MYEF2: variants seen among roughly 807,000 people sequenced by gnomAD.
MYEF2 encodes the protein myelin expression factor 2.
Under a neutral mutation model 75.2 loss-of-function variants are expected in MYEF2, and 37 were observed. That is an observed-to-expected ratio of 0.49 (90% CI 0.38 to 0.65). The LOEUF (loss-of-function observed/expected upper bound fraction) is 0.65. Among genes scored for constraint, MYEF2 ranks in the 30% least tolerant of loss-of-function variants. MYEF2 has a pLI of 0.00. For synonymous variants in MYEF2, 195 were observed against 241.6 expected (o/e 0.81, Z 1.79); for missense variants, 634 against 771.4 (o/e 0.82, Z 2.11).
At chr15:48,169,541 G>A (rs979709666) in intron 1 of MYEF2, among the ~76,000 whole-genome samples, 3 of 151,718 alleles carry the variant, frequency 2.0e-5, no homozygotes, top group Non-Finnish European at 4.4e-5. Context: ...CCTACAATGG[G>A]TAATGTAGGA....
In MYEF2 at chr15:48,139,190, TACAATAGC is replaced by T; in HGVS notation, c.*3710_*3717del. On this transcript the variant is annotated 3_prime_UTR_variant, in exon 17 of 17. Transcript: ENST00000324324. ...CACAATAACTGGTATGTATTTTAAGTACAATAGCACAACTTGAAAATATTCATATAAGA... is the reference window on the plus strand; with the variant it reads ...CACAATAACTGGTATGTATTTTAAGTACAACTTGAAAATATTCATATAAGA... 1 of 1,585,834 alleles carries T rather than the reference TACAATAGC, an allele frequency of 6.3e-7. No homozygotes were observed. Among genetic ancestry groups the T allele is most frequent in the African/African-American group, 1.3e-5 (1 of 74,444 alleles).
rs1232308227 is a variant in MYEF2, at chr15:48,137,628, TG to T, written c.*5279del. ...AGGTGCCTAGACCAAGTGAAAGTGG[TG>T]GGAATAAATGAGAACAGATGTGAGA... On this transcript the variant is annotated 3_prime_UTR_variant, in exon 17 of 17. Transcript: ENST00000324324. The T allele has an allele frequency of 6.6e-6, 1 of 151,792 alleles. No homozygotes were observed. Among genetic ancestry groups the T allele is most frequent in the Non-Finnish European group, 1.5e-5 (1 of 67,952 alleles). The allele number at this position is 151,792 out of a possible 1,614,324, so 9.4% of individuals were successfully genotyped here.
Position 48,141,917 on chromosome 15 carries a change from T to C in MYEF2, c.*991A>G, listed in dbSNP as rs2039103379. 8 of 814,710 alleles carry C rather than the reference T, an allele frequency of 9.8e-6. No homozygotes were observed. The highest frequency in any genetic ancestry group is 1.1e-5 in the Non-Finnish European group (6 of 544,634). 50.5% of individuals were successfully genotyped at this position (814,710 alleles called of 1,614,324 possible). A position where few individuals can be genotyped will look rare whatever the true frequency, so the allele number is the denominator to read the frequency against. ...TAAGACTTTTGCTCTAACAACAATT[T>C]TTCAAAACGAATCAACAACAAAAAA... On this transcript the variant is annotated 3_prime_UTR_variant, in exon 17 of 17. Transcript: ENST00000324324.
rs1274086002 is a variant in MYEF2, at chr15:48,137,499, C to T, written c.*5409G>A. ...TTTCTGAGGAGAGAAATTATTAGAACTGTTATCTTAGTAATGTTACCCAAA... is the reference window on the plus strand; with the variant it reads ...TTTCTGAGGAGAGAAATTATTAGAATTGTTATCTTAGTAATGTTACCCAAA... On this transcript the variant is annotated 3_prime_UTR_variant, in exon 17 of 17. Transcript: ENST00000324324. 4 of 152,156 alleles carry T rather than the reference C, an allele frequency of 2.6e-5. No homozygotes were observed. The highest frequency in any genetic ancestry group is 9.7e-5 in the African/African-American group (4 of 41,420). 9.4% of individuals were successfully genotyped at this position (152,156 alleles called of 1,614,324 possible). A position where few individuals can be genotyped will look rare whatever the true frequency, so the allele number is the denominator to read the frequency against.
At chr15:48,176,219 TAAAAAAAAAAAAA>T (rs1023560411) in intron 1 of MYEF2, among the ~76,000 whole-genome samples, 1 of 63,104 alleles carries the variant, frequency 1.6e-5, no homozygotes, top group African/African-American at 5.5e-5. Context: ...GTTCACGAAG[TAAAAAAAAAAAAA>T]AAAAAAAAAA....
intron 9 of MYEF2, among the ~76,000 whole-genome samples, chr15:48,154,891 T>C (rs1465982722): frequency 2.6e-5 from 4 of 152,036 alleles, no homozygotes; most frequent in Non-Finnish European, 1.5e-5. Flanking sequence ...TGCTGAGCAA[T>C]GATAGTATAA....
At position 48,142,088 on chromosome 15, in the gene MYEF2, C is replaced by G. The variant is rs770666675; in HGVS notation, c.*820G>C. 6.2e-7 allele frequency: 1 copy of G among 1,613,728 alleles called. No individual in the cohort carries two copies. On this transcript the variant is annotated 3_prime_UTR_variant, in exon 17 of 17. Coordinates refer to ENST00000324324, the MANE Select transcript of MYEF2 (RefSeq NM_016132.5). ...ATCCAATGTGTTTGATATGTTGTGCCTTGGTATTCCATGGTTTATTAAAAC... is the reference window on the plus strand; with the variant it reads ...ATCCAATGTGTTTGATATGTTGTGCGTTGGTATTCCATGGTTTATTAAAAC...
Position 48,136,456 on chromosome 15 carries a change from GT to G in MYEF2, c.*6451del. 8.2e-6 allele frequency: 3 copies of G among 366,786 alleles called. No homozygotes were observed. Among genetic ancestry groups the G allele is most frequent in the South Asian group, 1.4e-4 (1 of 7,296 alleles). 22.7% of individuals were successfully genotyped at this position (366,786 alleles called of 1,614,324 possible). A position where few individuals can be genotyped will look rare whatever the true frequency, so the allele number is the denominator to read the frequency against. On this transcript the variant is annotated 3_prime_UTR_variant, in exon 17 of 17. Coordinates refer to ENST00000324324, the MANE Select transcript of MYEF2 (RefSeq NM_016132.5). ...AAGTAAAAACGAGTTTGTTGATCTTGTTTTTAAAAAAAAAAAAACAACACAG... is the reference window on the plus strand; with the variant it reads ...AAGTAAAAACGAGTTTGTTGATCTTGTTTTAAAAAAAAAAAAACAACACAG...
chr15:48,153,971 T>A (rs1403135068), intron 9 of MYEF2, 78 bp from the exon 10 acceptor site: 10 of 1,136,040 alleles, frequency 8.8e-6, no homozygotes, highest in Non-Finnish European at 1.3e-5. Flanking sequence ...TTTAAAAAGC[T>A]ATATACCTGT....
intron 5 of MYEF2, among the ~76,000 whole-genome samples, chr15:48,161,988 T>C (rs1282960958): frequency 6.6e-6 from 1 of 151,676 alleles, no homozygotes; most frequent in African/African-American, 2.4e-5. Flanking sequence ...GGCCCTGGCT[T>C]ATGCATAAAA....
intron 16 of MYEF2, among the ~76,000 whole-genome samples, chr15:48,148,725 ATATT>A (rs1167470788): frequency 1.2e-4 from 18 of 152,056 alleles, no homozygotes; most frequent in Non-Finnish European, 1.8e-4. Context: ...GAATGATAAT[ATATT>A]TATCTTTTTA....
In MYEF2 at chr15:48,135,111, G is replaced by C; in HGVS notation, c.*7797C>G. On this transcript the variant is annotated 3_prime_UTR_variant, in exon 17 of 17. Coordinates refer to ENST00000324324, the MANE Select transcript of MYEF2 (RefSeq NM_016132.5). ...CCACTTCTATACCATATTCCAACAG[G>C]TCTGTGAGTTAACCTCATCACAATT... 1.5e-6 allele frequency: 1 copy of C among 656,574 alleles called. No homozygotes were observed. Among genetic ancestry groups the C allele is most frequent in the South Asian group, 2.2e-5 (1 of 46,016 alleles). The allele number at this position is 656,574 out of a possible 1,614,324, so 40.7% of individuals were successfully genotyped here.
At position 48,142,903 on chromosome 15, in the gene MYEF2, T is replaced by A; in HGVS notation, c.*5A>T. On this transcript the variant is annotated 3_prime_UTR_variant, in exon 17 of 17. Transcript: ENST00000324324. ...ATGTAGGAATGTTCCAACCATGGCT[T>A]GAAATTATGCATTACGATCCAAGCG... is the stretch of plus-strand genomic sequence containing the variant. 6.3e-7 allele frequency: 1 copy of A among 1,587,400 alleles called. No individual in the cohort carries two copies.
chr15:48,160,707 T>C (rs1428849473), intron 5 of MYEF2, among the ~76,000 whole-genome samples: 3 of 151,908 alleles, frequency 2.0e-5, no homozygotes, highest in African/African-American at 7.2e-5. Context: ...AACCATCAAA[T>C]CTACTTTGCT....
intron 2 of MYEF2, 88 bp from the exon 3 acceptor site, chr15:48,167,489 T>C (rs1689898900): frequency 1.7e-5 from 20 of 1,179,874 alleles, no homozygotes; most frequent in Non-Finnish European, 2.4e-5. Flanking sequence ...TGCACAACTC[T>C]ACAGAGAAGC....
chr15:48,158,870 C>A lies in MYEF2; in HGVS notation c.770G>T (p.Gly257Val). The change falls in exon 7 of 17, where the codon GGA becomes GTA. Residue 257 changes from glycine to valine, a missense_variant. By Grantham distance (109) the Gly-to-Val change is moderately radical. Coordinates refer to ENST00000324324, the MANE Select transcript of MYEF2 (RefSeq NM_016132.5). ...TTTAATATCTGCCCGCTTCACAGTT[C>A]CAGCTATGCTGAACACTTCCTTTAG... is the stretch of plus-strand genomic sequence containing the variant. ...KKLKEVFSIA[G>V]TVKRADIKED... The A allele has an allele frequency of 6.2e-7, 1 of 1,613,700 alleles. No individual in the cohort carries two copies. Among genetic ancestry groups the A allele is most frequent in the Non-Finnish European group, 8.5e-7 (1 of 1,179,762 alleles).
chr15:48,145,819 TC>T (rs1388062131), intron 16 of MYEF2, among the ~76,000 whole-genome samples: 2 of 151,938 alleles, frequency 1.3e-5, no homozygotes, highest in African/African-American at 2.4e-5. Flanking sequence ...TTCTGTTGTT[TC>T]TTTACAAACA....
intron 10 of MYEF2, chr15:48,153,222 T>A (rs1325253830): frequency 6.6e-6 from 1 of 152,184 alleles, no homozygotes; most frequent in African/African-American, 2.4e-5. Context: ...AATGAGTTTA[T>A]CATTTTTTAA....
intron 14 of MYEF2, chr15:48,150,031 T>G (rs946089196): frequency 6.6e-6 from 1 of 152,114 alleles, no homozygotes; most frequent in African/African-American, 2.4e-5. Flanking sequence ...AGCCAGAGCT[T>G]AAGAATTTAG....
Sources: allele counts gnomAD v4.1 joint callset (sites outside exome capture counted in the v4.1 genomes callset), GRCh38; gene constraint gnomAD v4.1.1; transcripts MANE v1.5; gene names NCBI Gene and HGNC (gene_info 2026-07-23, HGNC 2026-07-21).